The following SRD5A2 variants were observed in gnomAD, a reference collection of about 807,000 sequenced individuals.
SRD5A2 encodes the protein steroid 5 alpha-reductase 2, also known as 3-oxo-5-alpha-steroid 4-dehydrogenase 2.
Under a neutral mutation model 27.4 loss-of-function variants are expected in SRD5A2, and 30 were observed. The observed-to-expected ratio is 1.10, with a 90% CI of 0.82 to 1.49. The LOEUF is 1.49. Among genes scored for constraint, SRD5A2 ranks in the 40% most tolerant of loss-of-function variants. The pLI, the probability that SRD5A2 is intolerant of heterozygous loss-of-function variation, is 0.00. For synonymous variants in SRD5A2, 141 were observed against 133.6 expected, an observed-to-expected ratio of 1.06 and a Z score of -0.38; for missense variants, 348 against 323.4, an observed-to-expected ratio of 1.08 and a Z score of -0.58.
intron 1 of SRD5A2, among the ~76,000 whole-genome samples, chr2:31,549,125 T>C (rs1478507715): frequency 2.2e-5 from 3 of 138,344 alleles, no homozygotes; most frequent in African/African-American, 7.9e-5. Flanking sequence ...ATTATTATTA[T>C]TATTTAAGAT....
In SRD5A2 at chr2:31,580,843, G is replaced by C. The variant is rs1215794037; in HGVS notation, c.58C>G (p.Leu20Val). Reference sequence around the variant, plus strand: ...GCGACGTACAAGGCCAGTGCCCCAAGGGCGACCAAAGTGGCGCTGCCTGCC... The same window carrying C: ...GCGACGTACAAGGCCAGTGCCCCAACGGCGACCAAAGTGGCGCTGCCTGCC... The part of the protein sequence containing the change: ...VLAGSATLVA[L>V]GALALYVAKP... Residue 20 changes from leucine to valine, a missense_variant, in exon 1 of 5, where the codon CTT (leucine) becomes GTT (valine). Transcript: ENST00000622030. The C allele has an allele frequency of 6.2e-7, 1 of 1,611,952 alleles. No individual in the cohort carries two copies. The highest frequency in any genetic ancestry group is 8.5e-7 in the Non-Finnish European group (1 of 1,179,400).
At chr2:31,605,725 C>T in the SRD5A2 span, among the ~76,000 whole-genome samples, 7 of 150,922 alleles carry the variant, frequency 4.6e-5, no homozygotes, top group South Asian at 2.1e-4. Context: ...ACCACTATGG[C>T]GAGTAGTTTG....
intron 1 of SRD5A2, among the ~76,000 whole-genome samples, chr2:31,534,835 T>C (rs1162819338): frequency 1.3e-5 from 2 of 152,178 alleles, no homozygotes; most frequent in African/African-American, 2.4e-5. Context: ...GTCTAAGAAA[T>C]GCCCTGGGCT....
intron 1 of SRD5A2, among the ~76,000 whole-genome samples, chr2:31,550,861 G>C (rs1438036103): frequency 6.6e-6 from 1 of 151,788 alleles, no homozygotes; most frequent in Non-Finnish European, 1.5e-5. Flanking sequence ...TCAACAACAT[G>C]CTAGAAATTC....
chr2:31,567,456 G>GTATATATATA lies in SRD5A2; in HGVS notation c.281+13154_281+13163dup, dbSNP rs1553327758. 3.2e-3 allele frequency among the ~76,000 whole-genome samples: 444 copies of GTATATATATA among 140,298 alleles called. 2 individuals are homozygous for GTATATATATA. Among genetic ancestry groups the GTATATATATA allele is most frequent in the African/African-American group, 0.011 (397 of 37,442 alleles). 92.0% of individuals were successfully genotyped at this position (140,298 alleles called of 152,430 possible). A position where few individuals can be genotyped will look rare whatever the true frequency, so the allele number is the denominator to read the frequency against. On this transcript the variant is annotated intron_variant, in intron 1 of 4. Coordinates refer to ENST00000622030, the MANE Select transcript of SRD5A2 (RefSeq NM_000348.4). ...TTGGTGTGTGTGTGTGTGTGTGTGTGTATATATATATATATATCTACCAGT... is the reference window on the plus strand; with the variant it reads ...TTGGTGTGTGTGTGTGTGTGTGTGTGTATATATATATATATATATATATATATCTACCAGT...
chr2:31,585,849 C>T (rs1226910782), upstream of SRD5A2, among the ~76,000 whole-genome samples: 1 of 152,152 alleles, frequency 6.6e-6, no homozygotes, highest in Non-Finnish European at 1.5e-5. Flanking sequence ...GAGTCCCAGG[C>T]CAGGCAGCAG....
chr2:31,525,306 T>TTC lies in SRD5A2; in HGVS notation c.*888_*889dup, dbSNP rs1665752939. 4 of 224,626 alleles carry TTC rather than the reference T, an allele frequency of 1.8e-5. No homozygotes were observed. Among genetic ancestry groups the TTC allele is most frequent in the Non-Finnish European group, 3.6e-5 (4 of 112,660 alleles). The allele number at this position is 224,626 out of a possible 1,614,324, so 13.9% of individuals were successfully genotyped here. ...AAGCAGCATGTAACCTCATCATTAATTCTCTTTGTTTTACACTACTCATTA... is the reference window on the plus strand; with the variant it reads ...AAGCAGCATGTAACCTCATCATTAATTCTCTCTTTGTTTTACACTACTCATTA... On this transcript the variant is annotated 3_prime_UTR_variant, in exon 5 of 5. Transcript: ENST00000622030.
At chr2:31,584,276 A>G (rs189111235), upstream of SRD5A2, among the ~76,000 whole-genome samples, 300 of 152,328 alleles carry the variant, frequency 2.0e-3, 1 homozygote, top group Non-Finnish European at 1.5e-3. Flanking sequence ...AATAAAAGCT[A>G]TCTTCTTAAC....
chr2:31,553,632 C>G (rs1666426532), intron 1 of SRD5A2, among the ~76,000 whole-genome samples: 1 of 152,120 alleles, frequency 6.6e-6, no homozygotes, highest in Non-Finnish European at 1.5e-5. Context: ...ATTCAAACAG[C>G]TGAAGAAAAA....
intron 1 of SRD5A2, among the ~76,000 whole-genome samples, chr2:31,540,733 T>C (rs760355406): frequency 6.6e-6 from 1 of 152,254 alleles, no homozygotes; most frequent in Non-Finnish European, 1.5e-5. Flanking sequence ...CAGTCAATTT[T>C]AGCTCTTAGC....
chr2:31,589,029 C>G, the SRD5A2 span, among the ~76,000 whole-genome samples: 1 of 152,142 alleles, frequency 6.6e-6, no homozygotes, highest in African/African-American at 2.4e-5. Context: ...CTCTATGAGA[C>G]AGCCAAAAAA....
At chr2:31,593,952 A>C in the SRD5A2 span, among the ~76,000 whole-genome samples, 1 of 152,226 alleles carries the variant, frequency 6.6e-6, no homozygotes, top group African/African-American at 2.4e-5. Flanking sequence ...ACTAATCTTC[A>C]TAAATGAAGG....
the SRD5A2 span, among the ~76,000 whole-genome samples, chr2:31,607,459 T>C: frequency 1.3e-5 from 2 of 151,598 alleles, no homozygotes; most frequent in Admixed American, 6.6e-5. Context: ...TTTCTCATCA[T>C]AAAACCTATA....
chr2:31,573,162 T>A (rs984694288), intron 1 of SRD5A2, among the ~76,000 whole-genome samples: 1 of 152,138 alleles, frequency 6.6e-6, no homozygotes, highest in African/African-American at 2.4e-5. Flanking sequence ...ACTCACTCCA[T>A]CAATGCTCTG....
At chr2:31,551,411 C>G (rs1274410605) in intron 1 of SRD5A2, among the ~76,000 whole-genome samples, 1 of 152,060 alleles carries the variant, frequency 6.6e-6, no homozygotes, top group Non-Finnish European at 1.5e-5. Flanking sequence ...TTCAATATAT[C>G]AGAAGTTGAA....
chr2:31,646,050 A>T, the SRD5A2 span, among the ~76,000 whole-genome samples: 1 of 152,242 alleles, frequency 6.6e-6, no homozygotes, highest in Non-Finnish European at 1.5e-5. Flanking sequence ...TTTCTAGGAA[A>T]ATTGTATTAA....
the SRD5A2 span, among the ~76,000 whole-genome samples, chr2:31,632,254 G>C: frequency 2.4e-3 from 371 of 152,316 alleles, no homozygotes; most frequent in Admixed American, 6.9e-3. Context: ...GCCACTGCTT[G>C]AGTCATGGCC....
chr2:31,592,247 C>G, the SRD5A2 span, among the ~76,000 whole-genome samples: 1 of 151,972 alleles, frequency 6.6e-6, no homozygotes, highest in East Asian at 1.9e-4. Context: ...CCATCCAACT[C>G]AAGCCATTAC....
upstream of SRD5A2, chr2:31,580,954 C>T: frequency 6.5e-7 from 1 of 1,549,940 alleles, no homozygotes; most frequent in Non-Finnish European, 8.7e-7. Context: ...AGCGCGGCCC[C>T]CGCAACCCCT....
Sources: allele counts gnomAD v4.1 joint callset (sites outside exome capture counted in the v4.1 genomes callset), GRCh38; gene constraint gnomAD v4.1.1; transcripts MANE v1.5; gene names NCBI Gene and HGNC (gene_info 2026-07-23, HGNC 2026-07-21).